Variants in DSC1 observed in about 807,000 individuals in gnomAD.
DSC1 encodes the protein desmocollin 1.
In DSC1, 79 loss-of-function variants were observed where a neutral mutation model predicts 98.8. That is an observed-to-expected ratio of 0.80 (90% CI 0.67 to 0.96). DSC1 has a LOEUF of 0.96. Among genes scored for constraint, DSC1 ranks in the 50% least tolerant of loss-of-function variants. The probability of loss-of-function intolerance (pLI) is 0.00; values close to 1 mark genes in which losing one functional copy is unlikely to be tolerated. For missense variants in DSC1, 1,115 were observed against 1,075.9 expected (o/e 1.04, Z -0.51); for synonymous variants, 405 against 372.1 (o/e 1.09, Z -1.02).
intron 8 of DSC1, among the ~76,000 whole-genome samples, 199 bp from the exon 9 acceptor site, chr18:31,142,383 C>G (rs139975082): frequency 1.3e-5 from 2 of 152,254 alleles, no homozygotes; most frequent in Non-Finnish European, 2.9e-5. Flanking sequence ...TTCCATTCTT[C>G]AAAGGCTACC....
chr18:31,161,352 G>C (rs930540957), intron 1 of DSC1, among the ~76,000 whole-genome samples: 1 of 150,112 alleles, frequency 6.7e-6, no homozygotes, highest in Admixed American at 6.6e-5. Flanking sequence ...GTGCGTGTGT[G>C]TATATATATA....
intron 3 of DSC1, 97 bp downstream of exon 3, chr18:31,157,274 C>T: frequency 7.8e-7 from 1 of 1,275,938 alleles, no homozygotes; most frequent in Non-Finnish European, 1.1e-6. Context: ...CATTCAATAG[C>T]ATAGATTTTA....
intron 15 of DSC1, 154 bp from the exon 16 acceptor site, chr18:31,130,865 GTCTGTATTATAGTCAC>G (rs776012674): frequency 1.3e-6 from 2 of 1,596,498 alleles, no homozygotes; most frequent in South Asian, 1.1e-5. Context: ...CACAGGATTG[GTCTGTATTATAGTCAC>G]TCTTAAAATA....
At chr18:31,152,171 A>AC (rs1555645833) in intron 5 of DSC1, among the ~76,000 whole-genome samples, 1 of 151,496 alleles carries the variant, frequency 6.6e-6, no homozygotes, top group African/African-American at 2.4e-5. Context: ...CAAAAAAACA[A>AC]CAAAAAAAAA....
At chr18:31,144,130 G>A (rs149763704) in intron 7 of DSC1, among the ~76,000 whole-genome samples, 5 of 152,072 alleles carry the variant, frequency 3.3e-5, no homozygotes, top group East Asian at 1.9e-4. Context: ...GGCTGGTCAC[G>A]AACTCCTGAG....
chr18:31,145,203 A>T (rs1370003154), intron 7 of DSC1, among the ~76,000 whole-genome samples: 2 of 151,996 alleles, frequency 1.3e-5, no homozygotes, highest in Non-Finnish European at 2.9e-5. Context: ...CAGGCTCCCA[A>T]AGTGCTGGGA....
rs527440586 is a variant in DSC1 at position 31,145,009 on chromosome 18, G to C, written c.939+602C>G. ...GGCTGGGGTGCAGTGGCGCGATCTC[G>C]GCTCACTGCAAGCTCCGCCTCCCGG... is the stretch of plus-strand genomic sequence containing the variant. On this transcript the variant is annotated intron_variant, in intron 7 of 15. Transcript: ENST00000257198. 3.5e-5 allele frequency among the ~76,000 whole-genome samples: 5 copies of C among 144,654 alleles called. No individual in the cohort carries two copies. In the East Asian group the frequency reaches 8.5e-4, roughly 25 times the overall value. The allele number at this position is 144,654 out of a possible 152,430, so 94.9% of individuals were successfully genotyped here.
chr18:31,130,746 A>T (rs538208950), intron 15 of DSC1, 35 bp from the exon 16 acceptor site: 460 of 1,612,026 alleles, frequency 2.9e-4, no homozygotes, highest in South Asian at 7.1e-4. Flanking sequence ...ATTATTTTTT[A>T]AAAAACACCT....
At chr18:31,157,014 G>T (rs1989111038) in intron 3 of DSC1, among the ~76,000 whole-genome samples, 1 of 152,168 alleles carries the variant, frequency 6.6e-6, no homozygotes, top group Non-Finnish European at 1.5e-5. Context: ...GCCGCACAGG[G>T]TGGAGCCCAC....
chr18:31,139,910 T>A lies in DSC1; in HGVS notation c.1521-20A>T, dbSNP rs756219820. ...TGATACCTAATTTTTAGAAATCAAA[T>A]ATGAACGGTCAAATCAAAGAAGGGA... On this transcript the variant is annotated intron_variant, in intron 10 of 15. Coordinates refer to ENST00000257198, the MANE Select transcript of DSC1 (RefSeq NM_024421.2). 5.0e-6 allele frequency: 8 copies of A among 1,587,464 alleles called. No individual in the cohort carries two copies. The highest frequency in any genetic ancestry group is 6.0e-6 in the Non-Finnish European group (7 of 1,170,318).
chr18:31,136,891 T>A (rs996385179), intron 11 of DSC1, among the ~76,000 whole-genome samples: 10 of 152,178 alleles, frequency 6.6e-5, no homozygotes, highest in African/African-American at 2.4e-4. Flanking sequence ...CAAAAATAAG[T>A]AATTACTGAT....
intron 1 of DSC1, among the ~76,000 whole-genome samples, chr18:31,160,636 T>C (rs1419107735): frequency 1.3e-5 from 2 of 152,200 alleles, no homozygotes; most frequent in African/African-American, 4.8e-5. Context: ...TAAAAACCAC[T>C]TTTTAAAACG....
intron 1 of DSC1, among the ~76,000 whole-genome samples, chr18:31,161,358 A>T (rs1989205248): frequency 6.6e-6 from 1 of 150,966 alleles, no homozygotes; most frequent in South Asian, 2.1e-4. Flanking sequence ...GTGTGTATAT[A>T]TATATAAATG....
rs1988463253 is a variant in DSC1, at chr18:31,130,574, C to T, written c.2625G>A (p.Glu875=). Residue 875 remains glutamate, a synonymous_variant, in exon 16 of 16, where the codon GAG becomes GAA. Transcript: ENST00000257198. ...ATTTGGGTTCCAGGTGATCTAGAAA[C>T]TCCAGTCCCTCTTCTTCCTGCCGAT... ...CSDRQEEEGL[E]FLDHLEPKFR... 3.7e-6 allele frequency: 6 copies of T among 1,614,152 alleles called. No individual in the cohort carries two copies. Among genetic ancestry groups the T allele is most frequent in the Non-Finnish European group, 2.5e-6 (3 of 1,180,020 alleles).
intron 6 of DSC1, 64 bp from the exon 7 acceptor site, chr18:31,145,841 A>T: frequency 6.5e-7 from 1 of 1,535,748 alleles, no homozygotes; most frequent in Non-Finnish European, 8.8e-7. Context: ...TAAACAAAAT[A>T]AAATCAAGGC....
intron 4 of DSC1, 83 bp from the exon 5 acceptor site, chr18:31,155,012 C>A (rs987318129): frequency 6.9e-7 from 1 of 1,458,042 alleles, no homozygotes; most frequent in Non-Finnish European, 9.4e-7. Flanking sequence ...TATTTTTTTA[C>A]CACTACCCCT....
At chr18:31,157,715 A>G in intron 2 of DSC1, 142 bp from the exon 3 acceptor site, 1 of 764,816 alleles carries the variant, frequency 1.3e-6, no homozygotes, top group Non-Finnish European at 2.1e-6. Context: ...CTGCTATTCT[A>G]AAACGTGGGG....
At chr18:31,150,914 G>C (rs1218798046) in intron 5 of DSC1, 1 of 152,104 alleles carries the variant, frequency 6.6e-6, no homozygotes, top group Non-Finnish European at 1.5e-5. Flanking sequence ...ATAGCTCTTT[G>C]CATTCAATTC....
At chr18:31,139,131 G>C (rs1988675323) in intron 11 of DSC1, among the ~76,000 whole-genome samples, 1 of 151,940 alleles carries the variant, frequency 6.6e-6, no homozygotes, top group Non-Finnish European at 1.5e-5. Context: ...TTTACTGATA[G>C]AAATTTGTAT....
Sources: allele counts gnomAD v4.1 joint callset (sites outside exome capture counted in the v4.1 genomes callset), GRCh38; gene constraint gnomAD v4.1.1; transcripts MANE v1.5; gene names NCBI Gene and HGNC (gene_info 2026-07-23, HGNC 2026-07-21).